Variants in CDK12 observed in about 807,000 individuals in gnomAD.
CDK12 encodes cyclin-dependent kinase 12.
CDK12 carries 17 observed loss-of-function variants against 133.8 expected under a neutral mutation model. The ratio of observed to expected loss-of-function variants is 0.13; its 90% CI spans 0.09 to 0.19. CDK12 has a LOEUF of 0.19. Ranked by LOEUF, CDK12 falls within the 10% of genes least tolerant of loss-of-function variation. The pLI, the probability that CDK12 is intolerant of heterozygous loss-of-function variation, is 1.00. For missense variants in CDK12, 1,508 were observed against 1,818.7 expected (o/e 0.83, Z 3.11); for synonymous variants, 694 against 683.6 (o/e 1.02, Z -0.24).
At chr17:39,540,914 G>A (rs1408252001) in intron 1 of CDK12, among the ~76,000 whole-genome samples, 2 of 152,208 alleles carry the variant, frequency 1.3e-5, no homozygotes, top group East Asian at 1.9e-4. Flanking sequence ...GGAGCCCTTA[G>A]CTTCTGATTG....
intron 2 of CDK12, among the ~76,000 whole-genome samples, chr17:39,478,125 C>T (rs2050365409): frequency 6.7e-6 from 1 of 149,696 alleles, no homozygotes; most frequent in African/African-American, 2.5e-5. Flanking sequence ...CCAAACTCCT[C>T]AACTCATGTG....
chr17:39,489,372 T>A (rs1165597256), intron 2 of CDK12, among the ~76,000 whole-genome samples: 1 of 142,706 alleles, frequency 7.0e-6, no homozygotes, highest in Non-Finnish European at 1.6e-5. Context: ...GCCTGGCCAG[T>A]TTCTATATTT....
intron 1 of CDK12, among the ~76,000 whole-genome samples, chr17:39,467,424 T>C (rs1229162384): frequency 6.6e-6 from 1 of 152,206 alleles, no homozygotes; most frequent in Non-Finnish European, 1.5e-5. Context: ...AAGACATTTC[T>C]TGAAGACACA....
intron 6 of CDK12, among the ~76,000 whole-genome samples, chr17:39,507,379 G>A (rs1409054641): frequency 6.6e-6 from 1 of 150,874 alleles, no homozygotes; most frequent in Non-Finnish European, 1.5e-5. Flanking sequence ...CTGAGGTAGG[G>A]AGTTCAAGAC....
chr17:39,492,552 C>T (rs1002547606), intron 3 of CDK12, among the ~76,000 whole-genome samples, 199 bp from the exon 4 acceptor site: 8 of 151,278 alleles, frequency 5.3e-5, no homozygotes, highest in Non-Finnish European at 7.4e-5. Flanking sequence ...GGACTACAGG[C>T]GCCCGCTACC....
intron 7 of CDK12, among the ~76,000 whole-genome samples, chr17:39,510,100 G>A (rs2053390337): frequency 6.7e-6 from 1 of 149,448 alleles, no homozygotes; most frequent in African/African-American, 2.5e-5. Flanking sequence ...CCGCACCTGG[G>A]CAACAATCTC....
In CDK12 at chr17:39,481,313, T is replaced by G. The variant is rs545385015; in HGVS notation, c.1932-9244T>G. ...TTAACCATATAGAATTTTTAAAGTCTTCTTTTCTTCTTTCTCTTTTTTTTT... is the reference window on the plus strand; with the variant it reads ...TTAACCATATAGAATTTTTAAAGTCGTCTTTTCTTCTTTCTCTTTTTTTTT... On this transcript the variant is annotated intron_variant, in intron 2 of 13. Coordinates refer to ENST00000447079, the MANE Select transcript of CDK12 (RefSeq NM_016507.4). Among the ~76,000 whole-genome samples, 9 of 150,964 alleles carry G rather than the reference T, an allele frequency of 6.0e-5. No individual in the cohort carries two copies. In the East Asian group the frequency reaches 7.8e-4, roughly 13 times the overall value.
rs2048972551 is a variant in CDK12, at chr17:39,461,707, A to T, written c.-365A>T. ...CCGCGTAGTCCTCGCAGGGCCCCAG[A>T]GCTGGAGTCGGCTCCACAGCCCCGG... On this transcript the variant is annotated 5_prime_UTR_variant, in exon 1 of 14. Transcript: ENST00000447079. The T allele has an allele frequency of 3.4e-5, 11 of 321,442 alleles. No homozygotes were observed. The East Asian group carries it at 5.1e-4, about 15-fold the overall frequency. 19.9% of individuals were successfully genotyped at this position (321,442 alleles called of 1,614,324 possible).
chr17:39,462,653 C>T lies in CDK12; in HGVS notation c.582C>T (p.His194=), dbSNP rs1161730478. 1 of 1,613,996 alleles carries T rather than the reference C, an allele frequency of 6.2e-7. No homozygotes were observed. The highest frequency in any genetic ancestry group is 1.1e-5 in the South Asian group (1 of 91,076). Reference sequence around the variant, plus strand: ...AAGAACGGGAGCTGAAGTCTGGGCACAAAGACCGGAGTAAAAGTCATCGAA... The same window carrying T: ...AAGAACGGGAGCTGAAGTCTGGGCATAAAGACCGGAGTAAAAGTCATCGAA... ...TRKERELKSG[H]KDRSKSHRKR... The change falls in exon 1 of 14, where the codon CAC becomes CAT. Residue 194 remains histidine, a synonymous_variant. Coordinates refer to ENST00000447079, the MANE Select transcript of CDK12 (RefSeq NM_016507.4).
At chr17:39,520,185 A>G (rs2054077202) in intron 11 of CDK12, 98 bp downstream of exon 11, 1 of 1,251,634 alleles carries the variant, frequency 8.0e-7, no homozygotes. Flanking sequence ...TAAGACCCAA[A>G]TGAAGAGGTG....
chr17:39,520,743 C>T (rs997969448), intron 11 of CDK12, among the ~76,000 whole-genome samples: 3 of 152,102 alleles, frequency 2.0e-5, no homozygotes, highest in Middle Eastern at 3.4e-3. Context: ...GCTCTGCCTC[C>T]TCCACCTCCC....
intron 2 of CDK12, among the ~76,000 whole-genome samples, chr17:39,480,381 T>G (rs527837208): frequency 6.6e-6 from 1 of 151,856 alleles, no homozygotes; most frequent in Non-Finnish European, 1.5e-5. Flanking sequence ...GTGATTCTCC[T>G]GCGTCACCCT....
chr17:39,564,058 C>G (rs1456302303), intron 3 of CDK12, among the ~76,000 whole-genome samples: 1 of 152,188 alleles, frequency 6.6e-6, no homozygotes, highest in Non-Finnish European at 1.5e-5. Context: ...TGTACTCGCC[C>G]TTTAGAAAGC....
chr17:39,484,780 GAA>G (rs2050981117), intron 2 of CDK12, among the ~76,000 whole-genome samples: 1 of 152,012 alleles, frequency 6.6e-6, no homozygotes, highest in South Asian at 2.1e-4. Context: ...ATACTCAAAG[GAA>G]ATGCTCATTG....
intron 10 of CDK12, among the ~76,000 whole-genome samples, chr17:39,518,961 GCAT>G (rs1277340181): frequency 6.6e-6 from 1 of 152,158 alleles, no homozygotes; most frequent in Non-Finnish European, 1.5e-5. Flanking sequence ...GAGTGCAGTG[GCAT>G]CATCTCGGCT....
At chr17:39,480,264 C>CT (rs111244983) in intron 2 of CDK12, among the ~76,000 whole-genome samples, 7,670 of 132,106 alleles carry the variant, frequency 0.058, 218 homozygotes, top group Non-Finnish European at 0.085. Context: ...TGAAACTTTA[C>CT]TTTTTTTTTT....
chr17:39,565,412 C>T (rs200364097), downstream of CDK12, among the ~76,000 whole-genome samples: 3 of 91,300 alleles, frequency 3.3e-5, no homozygotes, highest in African/African-American at 7.4e-5. Context: ...CCGCACCCAG[C>T]CTGTTTGTTT....
At chr17:39,543,692 T>G (rs2055537407), upstream of CDK12, among the ~76,000 whole-genome samples, 1 of 152,212 alleles carries the variant, frequency 6.6e-6, no homozygotes, top group East Asian at 1.9e-4. Context: ...CTGGTCTCCA[T>G]GTAAATTTGT....
chr17:39,533,677 G>A lies in CDK12; in HGVS notation c.*2361G>A, dbSNP rs1056598443. ...TCCCTCATCCCTACTAGGGAAGGGG[G>A]TGAGTGTATGTGTGAGTGTATGTGT... On this transcript the variant is annotated 3_prime_UTR_variant, in exon 14 of 14. Coordinates refer to ENST00000447079, the MANE Select transcript of CDK12 (RefSeq NM_016507.4). The A allele has an allele frequency of 3.4e-5, 8 of 232,764 alleles. No individual in the cohort carries two copies. The highest frequency in any genetic ancestry group is 6.8e-5 in the Non-Finnish European group (8 of 117,830). 14.4% of individuals were successfully genotyped at this position (232,764 alleles called of 1,614,324 possible).
Sources: gnomAD v4.1 joint callset for allele counts (sites outside exome capture counted in the v4.1 genomes callset) on GRCh38, gnomAD v4.1.1 for gene constraint, MANE v1.5 for transcripts, NCBI Gene and HGNC (gene_info 2026-07-23, HGNC 2026-07-21) for gene names.